DSCAM: variants seen among roughly 807,000 people sequenced by gnomAD.
The protein encoded by DSCAM is cell adhesion molecule DSCAM.
In DSCAM, 47 loss-of-function variants were observed where a neutral mutation model predicts 217.7. The ratio of observed to expected loss-of-function variants is 0.22; its 90% CI spans 0.17 to 0.28. The LOEUF is 0.28. Among genes scored for constraint, DSCAM ranks in the 10% least tolerant of loss-of-function variants. The probability of loss-of-function intolerance (pLI) is 1.00; values close to 1 mark genes in which losing one functional copy is unlikely to be tolerated. For missense variants in DSCAM, 2,080 were observed against 2,618.3 expected, an observed-to-expected ratio of 0.79 and a Z score of 4.49; for synonymous variants, 1,056 against 1,015.3, an observed-to-expected ratio of 1.04 and a Z score of -0.76.
rs553184361 is a variant in DSCAM at position 40,708,454 on chromosome 21, C to T, written c.361G>A (p.Val121Ile). 1 of 1,496,394 alleles carries T rather than the reference C, an allele frequency of 6.7e-7. No homozygotes were observed. The highest frequency in any genetic ancestry group is 1.4e-5 in the African/African-American group (1 of 71,744). 92.7% of individuals were successfully genotyped at this position (1,496,394 alleles called of 1,614,324 possible). A position where few individuals can be genotyped will look rare whatever the true frequency, so the allele number is the denominator to read the frequency against. The change falls in exon 2 of 33, where the codon GTT (valine) becomes ATT (isoleucine). Residue 121 changes from valine (V) to isoleucine (I), a missense_variant and splice_region_variant. Transcript: ENST00000400454. Reference sequence around the variant, plus strand: ...AAACAAAGCCCAGAGCTGTACTCACCAGCCTTGATGTGGACATCCTGACTT... The same window carrying T: ...AAACAAAGCCCAGAGCTGTACTCACTAGCCTTGATGTGGACATCCTGACTT... ...IRSQDVHIKA[V>I]LREPYTVRVE...
At chr21:40,212,661 T>C (rs1484069103) in intron 11 of DSCAM, among the ~76,000 whole-genome samples, 1 of 152,132 alleles carries the variant, frequency 6.6e-6, no homozygotes, top group Non-Finnish European at 1.5e-5. Flanking sequence ...TTGATATTTT[T>C]CAGTTTAATT....
intron 11 of DSCAM, among the ~76,000 whole-genome samples, chr21:40,191,161 T>C (rs1411590154): frequency 1.3e-5 from 2 of 152,180 alleles, no homozygotes; most frequent in African/African-American, 4.8e-5. Flanking sequence ...GTCATGTCTT[T>C]TCCCATGGCT....
At chr21:40,750,855 C>T (rs1272526420) in intron 1 of DSCAM, among the ~76,000 whole-genome samples, 1 of 152,086 alleles carries the variant, frequency 6.6e-6, no homozygotes, top group Non-Finnish European at 1.5e-5. Flanking sequence ...TGTGATGCAC[C>T]CAGCACGCTG....
At chr21:40,422,822 A>T (rs1203611865) in intron 3 of DSCAM, among the ~76,000 whole-genome samples, 1 of 152,256 alleles carries the variant, frequency 6.6e-6, no homozygotes, top group Non-Finnish European at 1.5e-5. Context: ...GGTCTTGCAG[A>T]AAATCATACA....
intron 3 of DSCAM, among the ~76,000 whole-genome samples, chr21:40,672,900 C>T (rs2146404810): frequency 6.6e-6 from 1 of 152,292 alleles, no homozygotes; most frequent in African/African-American, 2.4e-5. Context: ...AAGTCAGTCT[C>T]CACCAGCCTC....
chr21:40,029,867 C>G (rs2088483860), intron 32 of DSCAM, among the ~76,000 whole-genome samples: 1 of 152,218 alleles, frequency 6.6e-6, no homozygotes, highest in Non-Finnish European at 1.5e-5. Context: ...GCTGGGGTGC[C>G]AAGCCTCGGG....
chr21:40,297,928 A>G (rs116678707), intron 9 of DSCAM, among the ~76,000 whole-genome samples: 1 of 152,204 alleles, frequency 6.6e-6, no homozygotes, highest in African/African-American at 2.4e-5. Context: ...GTCTCAATTT[A>G]CTTATCTGAA....
chr21:40,758,800 T>G (rs1352210098), intron 1 of DSCAM, among the ~76,000 whole-genome samples: 2 of 152,046 alleles, frequency 1.3e-5, no homozygotes, highest in African/African-American at 4.8e-5. Flanking sequence ...CTTGTCTTCC[T>G]CCCAGTCATG....
chr21:40,632,056 A>G (rs1164919432), intron 3 of DSCAM, among the ~76,000 whole-genome samples: 1 of 152,222 alleles, frequency 6.6e-6, no homozygotes, highest in East Asian at 1.9e-4. Context: ...GCAGTTGAAG[A>G]GGGCATCCTT....
intron 15 of DSCAM, among the ~76,000 whole-genome samples, chr21:40,175,169 G>A (rs2090710690): frequency 2.0e-5 from 3 of 152,188 alleles, no homozygotes; most frequent in Admixed American, 2.0e-4. Flanking sequence ...GAGTGCAGTG[G>A]CACGACCTTG....
chr21:40,535,579 T>C (rs1159404613), intron 3 of DSCAM, among the ~76,000 whole-genome samples: 1 of 152,244 alleles, frequency 6.6e-6, no homozygotes, highest in Non-Finnish European at 1.5e-5. Flanking sequence ...TTCAAAAATA[T>C]ATTCATCTCA....
At chr21:40,399,371 G>T (rs557052050) in intron 3 of DSCAM, among the ~76,000 whole-genome samples, 9 of 152,288 alleles carry the variant, frequency 5.9e-5, no homozygotes, top group Admixed American at 2.0e-4. Flanking sequence ...GAGAGTATGG[G>T]TGGAAAAGGG....
chr21:40,736,255 T>C lies in DSCAM; in HGVS notation c.44-27484A>G, dbSNP rs534617154. ...CAAGGATATTTACCCACCCAGGAGCTCTCCTCTGAAGCCCATCATTTAGGG... is the reference window on the plus strand; with the variant it reads ...CAAGGATATTTACCCACCCAGGAGCCCTCCTCTGAAGCCCATCATTTAGGG... On this transcript the variant is annotated intron_variant, in intron 1 of 32. Transcript: ENST00000400454. Among the ~76,000 whole-genome samples, 4 of 152,204 alleles carry C rather than the reference T, an allele frequency of 2.6e-5. No homozygotes were observed. The South Asian group carries it at 8.3e-4, about 32-fold the overall frequency.
At chr21:40,335,085 T>C (rs1450462978) in intron 8 of DSCAM, among the ~76,000 whole-genome samples, 4 of 152,136 alleles carry the variant, frequency 2.6e-5, no homozygotes, top group Non-Finnish European at 5.9e-5. Flanking sequence ...TCCCTTTACC[T>C]AGGATGTCCC....
At chr21:40,788,698 C>T (rs2091614116) in intron 1 of DSCAM, among the ~76,000 whole-genome samples, 1 of 152,184 alleles carries the variant, frequency 6.6e-6, no homozygotes, top group Non-Finnish European at 1.5e-5. Flanking sequence ...GTCTACCTCC[C>T]TAGAGAATGT....
intron 3 of DSCAM, among the ~76,000 whole-genome samples, chr21:40,672,577 G>C (rs2090289766): frequency 6.6e-6 from 1 of 152,118 alleles, no homozygotes; most frequent in African/African-American, 2.4e-5. Flanking sequence ...TTCAAGGAAG[G>C]CTTCAGAAAG....
chr21:40,611,040 G>A (rs1402736005), intron 3 of DSCAM, among the ~76,000 whole-genome samples: 1 of 150,762 alleles, frequency 6.6e-6, no homozygotes, highest in Non-Finnish European at 1.5e-5. Context: ...AAAAGAAACA[G>A]GTGAAATTAG....
chr21:40,693,615 T>TA (rs1246209999), intron 2 of DSCAM, among the ~76,000 whole-genome samples: 2 of 152,048 alleles, frequency 1.3e-5, no homozygotes, highest in African/African-American at 4.8e-5. Context: ...AAAAAATGAA[T>TA]AAAAAATTCA....
intron 1 of DSCAM, among the ~76,000 whole-genome samples, chr21:40,780,446 T>TATATATATATATATA (rs1555888075): frequency 4.2e-5 from 6 of 144,512 alleles, no homozygotes; most frequent in African/African-American, 1.3e-4. Flanking sequence ...TATATATATA[T>TATATATATATATATA]ATCTCCTGTT....
Sources: allele counts gnomAD v4.1 joint callset (sites outside exome capture counted in the v4.1 genomes callset), GRCh38; gene constraint gnomAD v4.1.1; transcripts MANE v1.5; gene names NCBI Gene and HGNC (gene_info 2026-07-23, HGNC 2026-07-21).